Variants in CSNK1G3 observed in about 807,000 individuals in gnomAD.
CSNK1G3 encodes the protein casein kinase I isoform gamma-3.
CSNK1G3 carries 23 observed loss-of-function variants against 64.3 expected under a neutral mutation model. That is an observed-to-expected ratio of 0.36 (90% CI 0.26 to 0.51). The LOEUF (loss-of-function observed/expected upper bound fraction) is 0.51. Among genes scored for constraint, CSNK1G3 ranks in the 20% least tolerant of loss-of-function variants. The pLI is 0.96. For missense variants in CSNK1G3, 357 were observed against 510.5 expected, an observed-to-expected ratio of 0.70 and a Z score of 2.90; for synonymous variants, 158 against 162.2, an observed-to-expected ratio of 0.97 and a Z score of 0.20.
chr5:123,594,240 A>T (rs1390652573), intron 10 of CSNK1G3, among the ~76,000 whole-genome samples: 1 of 152,212 alleles, frequency 6.6e-6, no homozygotes, highest in Non-Finnish European at 1.5e-5. Context: ...TTCCTGAAAC[A>T]GAAGTTGTCC....
At chr5:123,556,176 T>G (rs1784587323) in intron 3 of CSNK1G3, among the ~76,000 whole-genome samples, 1 of 152,070 alleles carries the variant, frequency 6.6e-6, no homozygotes, top group South Asian at 2.1e-4. Context: ...GTAATAAAAC[T>G]TATAAGTTTT....
Position 123,530,563 on chromosome 5 carries a change from T to C in CSNK1G3, c.-247-14854T>C, listed in dbSNP as rs572844056. Among the ~76,000 whole-genome samples the C allele has an allele frequency of 5.9e-5, 9 of 152,322 alleles. No homozygotes were observed. The South Asian group carries it at 1.9e-3, about 32-fold the overall frequency. Reference sequence around the variant, plus strand: ...TTCCATTTTCTTTCCTGTTTGGTACTATTTTATTAAAAAAACTGTTGTCTG... The same window carrying C: ...TTCCATTTTCTTTCCTGTTTGGTACCATTTTATTAAAAAAACTGTTGTCTG... On this transcript the variant is annotated intron_variant, in intron 1 of 12. Coordinates refer to ENST00000345990, the Ensembl canonical transcript of CSNK1G3.
chr5:123,516,499 A>T (rs1777189544), intron 1 of CSNK1G3, among the ~76,000 whole-genome samples: 1 of 152,094 alleles, frequency 6.6e-6, no homozygotes, highest in Non-Finnish European at 1.5e-5. Flanking sequence ...CTTCCCTTCT[A>T]TTATGAAACC....
intron 10 of CSNK1G3, among the ~76,000 whole-genome samples, chr5:123,592,370 G>A (rs1792534073): frequency 6.6e-6 from 1 of 151,944 alleles, no homozygotes; most frequent in Non-Finnish European, 1.5e-5. Flanking sequence ...CATAGAAGTT[G>A]ATCAAGTAGC....
rs187484217 is a variant in CSNK1G3 at position 123,612,068 on chromosome 5, T to C, written c.1218-2274T>C. ...GTACTGTGGCAGCTCTTCTCTAGGC[T>C]CTTGACTGGGTAATCCATTTCAGTT... is the stretch of plus-strand genomic sequence containing the variant. On this transcript the variant is annotated intron_variant, in intron 12 of 12. Coordinates refer to ENST00000345990, the Ensembl canonical transcript of CSNK1G3. 8.0e-4 allele frequency among the ~76,000 whole-genome samples: 122 copies of C among 152,360 alleles called. 1 individual carries two copies. The highest frequency in any genetic ancestry group is 2.9e-3 in the African/African-American group (119 of 41,586).
At position 123,556,645 on chromosome 5, in the gene CSNK1G3, T is replaced by C. The variant is rs184432655; in HGVS notation, c.220-850T>C. Reference sequence around the variant, plus strand: ...TTTGAAATTTTCTATTACCTTGTTATACTTTTCTGTTGGTTCTTTTTAAAA... The same window carrying C: ...TTTGAAATTTTCTATTACCTTGTTACACTTTTCTGTTGGTTCTTTTTAAAA... On this transcript the variant is annotated intron_variant, in intron 3 of 12. Coordinates refer to ENST00000345990, the Ensembl canonical transcript of CSNK1G3. Among the ~76,000 whole-genome samples, 329 of 152,196 alleles carry C rather than the reference T, an allele frequency of 2.2e-3. 2 individuals are homozygous for C. The highest frequency in any genetic ancestry group is 7.4e-3 in the African/African-American group (309 of 41,564).
At chr5:123,520,393 T>G (rs1777893774) in intron 1 of CSNK1G3, among the ~76,000 whole-genome samples, 1 of 152,102 alleles carries the variant, frequency 6.6e-6, no homozygotes, top group African/African-American at 2.4e-5. Context: ...ATGATTTTTA[T>G]TTTTATACTT....
chr5:123,573,465 C>T (rs369115221), exon 5 of CSNK1G3: 6 of 1,613,966 alleles, frequency 3.7e-6, no homozygotes, highest in Non-Finnish European at 5.1e-6. Context: ...CTGCTGGGAC[C>T]TAGTTTGGAA....
chr5:123,518,594 C>A (rs573980163), intron 1 of CSNK1G3, among the ~76,000 whole-genome samples: 1 of 152,298 alleles, frequency 6.6e-6, no homozygotes, highest in African/African-American at 2.4e-5. Context: ...TTTGCATAAG[C>A]CTACCAACAT....
At chr5:123,563,206 ATC>A (rs747082890) in intron 4 of CSNK1G3, among the ~76,000 whole-genome samples, 4 of 152,006 alleles carry the variant, frequency 2.6e-5, no homozygotes, top group Admixed American at 6.6e-5. Context: ...TTCTTGGCAA[ATC>A]TCTGACTATA....
chr5:123,598,674 A>G (rs1020503278), intron 10 of CSNK1G3, among the ~76,000 whole-genome samples: 2 of 152,138 alleles, frequency 1.3e-5, no homozygotes, highest in Non-Finnish European at 2.9e-5. Flanking sequence ...AATGAGACTG[A>G]GAAGGTAGGC....
At chr5:123,526,055 A>G (rs564236640) in intron 1 of CSNK1G3, among the ~76,000 whole-genome samples, 25 of 151,188 alleles carry the variant, frequency 1.7e-4, no homozygotes, top group African/African-American at 6.0e-4. Context: ...TTTTATTTTT[A>G]GAGATAGGGT....
chr5:123,552,249 A>T (rs544070274), intron 2 of CSNK1G3, among the ~76,000 whole-genome samples: 8 of 151,766 alleles, frequency 5.3e-5, no homozygotes, highest in African/African-American at 1.9e-4. Flanking sequence ...GGTTCAAGCG[A>T]ATTCTCCTGC....
At chr5:123,582,819 C>T (rs2150861041) in intron 6 of CSNK1G3, among the ~76,000 whole-genome samples, 1 of 152,264 alleles carries the variant, frequency 6.6e-6, no homozygotes, top group Non-Finnish European at 1.5e-5. Flanking sequence ...TCTTTAGTTA[C>T]TGTGTTTCAA....
chr5:123,529,883 C>A (rs967347018), intron 1 of CSNK1G3, among the ~76,000 whole-genome samples: 24 of 151,996 alleles, frequency 1.6e-4, no homozygotes, highest in Non-Finnish European at 3.2e-4. Flanking sequence ...CTCATACTTA[C>A]ATGAGCACTT....
At chr5:123,561,776 T>TTC (rs1475647161) in intron 4 of CSNK1G3, among the ~76,000 whole-genome samples, 1 of 152,148 alleles carries the variant, frequency 6.6e-6, no homozygotes, top group Non-Finnish European at 1.5e-5. Flanking sequence ...TCTCGACAGT[T>TTC]TCTCTCTCTC....
chr5:123,540,660 T>A (rs1781534268), intron 1 of CSNK1G3, among the ~76,000 whole-genome samples: 1 of 152,186 alleles, frequency 6.6e-6, no homozygotes, highest in Non-Finnish European at 1.5e-5. Flanking sequence ...TGAGACAGTG[T>A]CTTGCTCTGC....
chr5:123,615,671 A>G (rs1056451522), exon 13 of CSNK1G3: 1 of 152,228 alleles, frequency 6.6e-6, no homozygotes, highest in Non-Finnish European at 1.5e-5. Context: ...GTTTTAAGCC[A>G]TAAAGACACA....
chr5:123,611,419 G>A (rs1190443994), intron 12 of CSNK1G3, among the ~76,000 whole-genome samples: 3 of 151,838 alleles, frequency 2.0e-5, no homozygotes. Flanking sequence ...TGAATTTAAG[G>A]GCCATTAGAA....
Sources: gnomAD v4.1 joint callset for allele counts (sites outside exome capture counted in the v4.1 genomes callset) on GRCh38, gnomAD v4.1.1 for gene constraint, MANE v1.5 for transcripts, NCBI Gene and HGNC (gene_info 2026-07-23, HGNC 2026-07-21) for gene names.